The following ADK variants were observed in gnomAD, a reference collection of about 807,000 sequenced individuals.
ADK encodes adenosine kinase, also known as N6,N6-dimethyladenosine kinase.
A neutral mutation model predicts 44.7 loss-of-function variants in ADK; 24 were observed. The observed-to-expected ratio is 0.54, with a 90% CI of 0.39 to 0.76. The LOEUF (loss-of-function observed/expected upper bound fraction) is 0.76. ADK is among the 30% of genes least tolerant of loss of function. The pLI is 0.00. For missense variants in ADK, 321 were observed against 425.1 expected (o/e 0.76, Z 2.15); for synonymous variants, 128 against 142.6 (o/e 0.90, Z 0.73).
chr10:74,266,381 A>G (rs915192373), intron 3 of ADK, among the ~76,000 whole-genome samples: 1 of 152,002 alleles, frequency 6.6e-6, no homozygotes. Flanking sequence ...ACATGATGAA[A>G]CCCCGTCTCT....
chr10:74,340,988 C>T (rs1052274439), intron 4 of ADK, among the ~76,000 whole-genome samples: 1 of 152,100 alleles, frequency 6.6e-6, no homozygotes, highest in Admixed American at 6.5e-5. Context: ...AATATTAACT[C>T]TATTCATTAG....
intron 2 of ADK, among the ~76,000 whole-genome samples, chr10:74,216,130 T>A (rs1844007536): frequency 6.6e-6 from 1 of 152,214 alleles, no homozygotes; most frequent in Non-Finnish European, 1.5e-5. Context: ...TCTTATATGA[T>A]GTATTTTATG....
chr10:74,402,666 A>G (rs1390433062), intron 6 of ADK, among the ~76,000 whole-genome samples: 1 of 152,060 alleles, frequency 6.6e-6, no homozygotes, highest in African/African-American at 2.4e-5. Flanking sequence ...GAAGGTTTTT[A>G]GCTTCTTTTA....
At chr10:74,386,487 T>C (rs12784355) in intron 4 of ADK, among the ~76,000 whole-genome samples, 76,518 of 152,012 alleles carry the variant, frequency 0.5, 21,119 homozygotes, top group Non-Finnish European at 0.63. Context: ...TTCCATATGT[T>C]GTTAAAGACT....
chr10:74,478,617 C>G (rs1470337943), intron 6 of ADK, among the ~76,000 whole-genome samples: 2 of 152,186 alleles, frequency 1.3e-5, no homozygotes, highest in Non-Finnish European at 2.9e-5. Flanking sequence ...CTTTATTTTT[C>G]TGTCACCTGG....
intron 6 of ADK, among the ~76,000 whole-genome samples, chr10:74,509,944 T>G (rs1021392862): frequency 5.9e-5 from 9 of 152,232 alleles, no homozygotes; most frequent in Admixed American, 5.9e-4. Flanking sequence ...ATGGTTTTTC[T>G]TTGTGTATAC....
intron 4 of ADK, among the ~76,000 whole-genome samples, chr10:74,352,926 G>A (rs761627620): frequency 4.6e-5 from 7 of 152,242 alleles, no homozygotes; most frequent in Admixed American, 1.3e-4. Context: ...AGTTGCTGTT[G>A]AGGTTGTGGA....
chr10:74,254,818 T>C (rs1379589355), intron 3 of ADK, among the ~76,000 whole-genome samples: 1 of 152,216 alleles, frequency 6.6e-6, no homozygotes, highest in Non-Finnish European at 1.5e-5. Context: ...CAAATAGTCA[T>C]TTTGTATTTG....
intron 6 of ADK, among the ~76,000 whole-genome samples, chr10:74,457,105 G>C (rs1237838256): frequency 6.6e-6 from 1 of 152,090 alleles, no homozygotes; most frequent in Non-Finnish European, 1.5e-5. Flanking sequence ...AAGAAGAAAA[G>C]AGAAAAGAAT....
At chr10:74,707,087 G>T (rs1245695009) in intron 10 of ADK, among the ~76,000 whole-genome samples, 1 of 152,068 alleles carries the variant, frequency 6.6e-6, no homozygotes, top group Non-Finnish European at 1.5e-5. Flanking sequence ...CCAGGTTGGG[G>T]TGCAGTGATA....
rs747168191 is a variant in ADK, at chr10:74,338,150, T to C, written c.273+23405T>C. ...ACAACAACAACAAAAACTTAAATGA[T>C]AAAAATGAATATATAAAATAGCAAG... On this transcript the variant is annotated intron_variant, in intron 4 of 10. Transcript: ENST00000539909. 7.7e-4 allele frequency among the ~76,000 whole-genome samples: 117 copies of C among 152,076 alleles called. 2 individuals are homozygous for C. The highest frequency in any genetic ancestry group is 7.4e-5 in the Non-Finnish European group (5 of 68,026).
intron 2 of ADK, among the ~76,000 whole-genome samples, chr10:74,210,878 CTT>C (rs1399992989): frequency 6.6e-6 from 1 of 152,008 alleles, no homozygotes; most frequent in African/African-American, 2.4e-5. Flanking sequence ...TGCTCTGACA[CTT>C]TTGTAGTTAA....
At chr10:74,326,137 T>C (rs956562847) in intron 4 of ADK, among the ~76,000 whole-genome samples, 2 of 152,274 alleles carry the variant, frequency 1.3e-5, no homozygotes, top group Admixed American at 1.3e-4. Context: ...TTGTTCAGGA[T>C]TTTTCTTCTA....
At chr10:74,555,222 T>C (rs962615984) in intron 7 of ADK, among the ~76,000 whole-genome samples, 1 of 152,244 alleles carries the variant, frequency 6.6e-6, no homozygotes, top group African/African-American at 2.4e-5. Flanking sequence ...ACCATGCCAC[T>C]GTGCTCCCAC....
chr10:74,193,927 A>T (rs1843036944), intron 1 of ADK, among the ~76,000 whole-genome samples: 1 of 152,208 alleles, frequency 6.6e-6, no homozygotes, highest in African/African-American at 2.4e-5. Context: ...GTTGATTGAG[A>T]TAAAGTTCAA....
intron 6 of ADK, among the ~76,000 whole-genome samples, chr10:74,485,503 AAAT>A (rs71475287): frequency 6.7e-6 from 1 of 149,086 alleles, no homozygotes; most frequent in Non-Finnish European, 1.5e-5. Context: ...ATAAATAAAT[AAAT>A]AATCCTTTGA....
intron 9 of ADK, among the ~76,000 whole-genome samples, chr10:74,650,293 G>T (rs117208770): frequency 3.9e-5 from 6 of 151,978 alleles, no homozygotes; most frequent in African/African-American, 1.2e-4. Context: ...CATGGCCGGC[G>T]TTTGTGGTCC....
At chr10:74,505,573 ACT>A (rs59823612) in intron 6 of ADK, among the ~76,000 whole-genome samples, 4,361 of 140,470 alleles carry the variant, frequency 0.031, 186 homozygotes, top group African/African-American at 0.098. Context: ...TCCTTGATTG[ACT>A]CTGTTGTAAA....
intron 10 of ADK, among the ~76,000 whole-genome samples, chr10:74,703,380 G>T (rs192855003): frequency 6.6e-6 from 1 of 151,948 alleles, no homozygotes; most frequent in Non-Finnish European, 1.5e-5. Flanking sequence ...TACCCGGGAG[G>T]CAGAGGTAGG....
Sources: allele counts gnomAD v4.1 joint callset (sites outside exome capture counted in the v4.1 genomes callset), GRCh38; gene constraint gnomAD v4.1.1; transcripts MANE v1.5; gene names NCBI Gene and HGNC (gene_info 2026-07-23, HGNC 2026-07-21).